THBS3: variants seen among roughly 807,000 people sequenced by gnomAD.
THBS3 encodes the protein thrombospondin-3.
Under a neutral mutation model 118.3 loss-of-function variants are expected in THBS3, and 78 were observed. That is an observed-to-expected ratio of 0.66 (90% CI 0.55 to 0.80). The LOEUF is 0.80. THBS3 is among the 30% of genes least tolerant of loss of function. The pLI is 0.00. For synonymous variants in THBS3, 427 were observed against 475.3 expected (o/e 0.90, Z 1.32); for missense variants, 1,057 against 1,247.4 (o/e 0.85, Z 2.30).
In THBS3 at chr1:155,200,777, G is replaced by C. The variant is rs552058940; in HGVS notation, c.1548+120C>G. 377 of 1,585,380 alleles carry C rather than the reference G, an allele frequency of 2.4e-4. 1 individual carries two copies. The highest frequency in any genetic ancestry group is 2.9e-4 in the Admixed American group (17 of 57,994). On this transcript the variant is annotated intron_variant, in intron 13 of 22. Transcript: ENST00000368378. ...TCCTTGTCCTGGGCACGAGGTTTTT[G>C]CCTCCCTGATTTGGAGTATTTGGCC... is the stretch of plus-strand genomic sequence containing the variant.
chr1:155,203,117 G>GA lies in THBS3; in HGVS notation c.776dup (p.Arg260ProfsTer14). The GA allele has an allele frequency of 6.2e-7, 1 of 1,614,182 alleles. No individual in the cohort carries two copies. On this transcript the variant is annotated frameshift_variant, in exon 7 of 23. Coordinates refer to ENST00000368378, the MANE Select transcript of THBS3 (RefSeq NM_007112.5). LOFTEE classifies it high-confidence loss of function. ...CCTGACACTCCATAATGGTGTTTCG[G>GA]ATCAGGGACATTTCCTTCACCTGGA...
chr1:155,203,785 A>G (rs1571913010), intron 4 of THBS3, among the ~76,000 whole-genome samples: 1 of 152,036 alleles, frequency 6.6e-6, no homozygotes, highest in East Asian at 1.9e-4. Flanking sequence ...GTTCCTAGGC[A>G]TGGTAGTGGC....
chr1:155,201,933 A>G, intron 10 of THBS3, 24 bp downstream of exon 10: 1 of 1,613,734 alleles, frequency 6.2e-7, no homozygotes, highest in Non-Finnish European at 8.5e-7. Context: ...CCACCCCAGA[A>G]TACACTCAGG....
At chr1:155,196,442 C>G in intron 21 of THBS3, 1 of 391,480 alleles carries the variant, frequency 2.6e-6, no homozygotes, top group Non-Finnish European at 4.6e-6. Context: ...CTCTAGTCCA[C>G]CCCCTTTTAT....
chr1:155,209,068 C>G (rs964660155), upstream of THBS3: 4 of 1,538,598 alleles, frequency 2.6e-6, no homozygotes, highest in Non-Finnish European at 3.5e-6. Context: ...CGCCCTCCCC[C>G]GAGGCCCGCG....
At chr1:155,198,927 C>G (rs1669162604) in intron 16 of THBS3, among the ~76,000 whole-genome samples, 1 of 152,092 alleles carries the variant, frequency 6.6e-6, no homozygotes, top group South Asian at 2.1e-4. Context: ...CGAGACCAGC[C>G]TGGCCAACAC....
In THBS3 at chr1:155,206,145, A is replaced by G; in HGVS notation, c.286+55T>C. ...AGGAAGCACTTGGGAAGTAGGGATG[A>G]GGGAGAGTGCTTAAGGAGGTCACCA... is the stretch of plus-strand genomic sequence containing the variant. On this transcript the variant is annotated intron_variant, in intron 2 of 22. Coordinates refer to ENST00000368378, the MANE Select transcript of THBS3 (RefSeq NM_007112.5). This position sits in a 1 kb window ranked among gnomAD's most constrained non-coding sequence, Gnocchi z 4.2. 2 of 1,586,244 alleles carry G rather than the reference A, an allele frequency of 1.3e-6. No homozygotes were observed. Among genetic ancestry groups the G allele is most frequent in the South Asian group, 2.2e-5 (2 of 90,058 alleles).
chr1:155,202,785 A>T lies in THBS3; in HGVS notation c.957+27T>A. On this transcript the variant is annotated intron_variant, in intron 8 of 22. Transcript: ENST00000368378. This position sits in a 1 kb window ranked among gnomAD's most constrained non-coding sequence, Gnocchi z 5.5. ...TGACATCCTCACCCCAGTTTTCTGT[A>T]CCCTTCTGGGCTCTGACCTCCCTCA... The T allele has an allele frequency of 2.5e-6, 4 of 1,590,350 alleles. No individual in the cohort carries two copies. The highest frequency in any genetic ancestry group is 3.4e-6 in the Non-Finnish European group (4 of 1,167,262).
In THBS3 at chr1:155,201,287, TCCCCACCAAACAGTTCCTGGGCCCAG is replaced by T. The variant is rs929786959; in HGVS notation, c.1329+104_1330-84del. ...ATTTTCCCTGCTTCAGGTCCTATTCTCCCCACCAAACAGTTCCTGGGCCCAGGCCCACCTCTCTCCTATGAAGACCC... is the reference window on the plus strand; with the variant it reads ...ATTTTCCCTGCTTCAGGTCCTATTCTGCCCACCTCTCTCCTATGAAGACCC... On this transcript the variant is annotated intron_variant, in intron 11 of 22. Coordinates refer to ENST00000368378, the MANE Select transcript of THBS3 (RefSeq NM_007112.5). 10 of 1,592,808 alleles carry T rather than the reference TCCCCACCAAACAGTTCCTGGGCCCAG, an allele frequency of 6.3e-6. No individual in the cohort carries two copies. The African/African-American group carries it at 1.2e-4, about 19-fold the overall frequency.
rs1670790664 is a variant in THBS3, at chr1:155,207,894, C to G, written c.-18G>C. 3 of 1,613,190 alleles carry G rather than the reference C, an allele frequency of 1.9e-6. No individual in the cohort carries two copies. The highest frequency in any genetic ancestry group is 2.5e-6 in the Non-Finnish European group (3 of 1,179,768). On this transcript the variant is annotated 5_prime_UTR_variant, in exon 1 of 23. Transcript: ENST00000368378. Reference sequence around the variant, plus strand: ...GTCTCCATGCCTCTCAGCCGGCTCACTACCCCTGGCAGGCAGGCAGCTGGG... The same window carrying G: ...GTCTCCATGCCTCTCAGCCGGCTCAGTACCCCTGGCAGGCAGGCAGCTGGG...
At chr1:155,199,139 G>A (rs7366775) in intron 16 of THBS3, among the ~76,000 whole-genome samples, 60,266 of 149,542 alleles carry the variant, frequency 0.4, 13,101 homozygotes, top group East Asian at 0.75. Flanking sequence ...GGCCGGGCAC[G>A]GTGGCTCACG....
chr1:155,202,805 C>A lies in THBS3; in HGVS notation c.957+7G>T. On this transcript the variant is annotated splice_region_variant and intron_variant, in intron 8 of 22. Transcript: ENST00000368378. This position sits in a 1 kb window ranked among gnomAD's most constrained non-coding sequence, Gnocchi z 5.5. ...TCTGTACCCTTCTGGGCTCTGACCT[C>A]CCTCACCTCATTGATGTCACTGCAG... The A allele has an allele frequency of 6.2e-7, 1 of 1,609,194 alleles. No individual in the cohort carries two copies. Among genetic ancestry groups the A allele is most frequent in the Non-Finnish European group, 8.5e-7 (1 of 1,177,490 alleles).
chr1:155,207,913 A>C, upstream of THBS3: 6 of 1,587,708 alleles, frequency 3.8e-6, no homozygotes, highest in South Asian at 3.3e-5. Context: ...GCAGGCAGGC[A>C]GCTGGGAGGG....
chr1:155,207,327 C>T (rs1670699818), intron 1 of THBS3, among the ~76,000 whole-genome samples: 1 of 152,230 alleles, frequency 6.6e-6, no homozygotes, highest in Non-Finnish European at 1.5e-5. Flanking sequence ...CCTGTGTCAT[C>T]TGCTCCAGCT....
Position 155,197,739 on chromosome 1 carries a change from C to T in THBS3, c.2303-80G>A. The T allele has an allele frequency of 6.3e-7, 1 of 1,593,468 alleles. No individual in the cohort carries two copies. Among genetic ancestry groups the T allele is most frequent in the South Asian group, 1.1e-5 (1 of 90,154 alleles). On this transcript the variant is annotated intron_variant, in intron 19 of 22. Coordinates refer to ENST00000368378, the MANE Select transcript of THBS3 (RefSeq NM_007112.5). The surrounding 1 kb of genome is among the most constrained non-coding windows in gnomAD (Gnocchi z 5.0). ...ATGGGGTAAAGTTGGGAAGGGATGCCTGCTATGTATGTGGCCAGCTTGTGC... is the reference window on the plus strand; with the variant it reads ...ATGGGGTAAAGTTGGGAAGGGATGCTTGCTATGTATGTGGCCAGCTTGTGC...
In THBS3 at chr1:155,195,651, A is replaced by C; in HGVS notation, c.*190T>G. ...TCTTTCCTGGGGTTAGTGCCTGAGT[A>C]ATACCCCTTGAAAACTTCTCATCCC... On this transcript the variant is annotated 3_prime_UTR_variant, in exon 23 of 23. Coordinates refer to ENST00000368378, the MANE Select transcript of THBS3 (RefSeq NM_007112.5). 1.6e-6 allele frequency: 1 copy of C among 609,364 alleles called. No individual in the cohort carries two copies. Among genetic ancestry groups the C allele is most frequent in the South Asian group, 1.9e-5 (1 of 52,952 alleles). 37.7% of individuals were successfully genotyped at this position (609,364 alleles called of 1,614,324 possible).
At chr1:155,201,311 C>G in intron 11 of THBS3, 106 bp downstream of exon 11, 1 of 1,577,234 alleles carries the variant, frequency 6.3e-7, no homozygotes, top group Non-Finnish European at 8.6e-7. Flanking sequence ...TTCCTGGGCC[C>G]AGGCCCACCT....
chr1:155,205,087 A>G lies in THBS3; in HGVS notation c.516T>C (p.Thr172=), dbSNP rs746180134. 3.7e-6 allele frequency: 6 copies of G among 1,613,978 alleles called. No homozygotes were observed. The highest frequency in any genetic ancestry group is 1.7e-5 in the Admixed American group (1 of 59,992). The change falls in exon 3 of 23, where the codon ACT becomes ACC. Residue 172 remains threonine, a synonymous_variant. Coordinates refer to ENST00000368378, the MANE Select transcript of THBS3 (RefSeq NM_007112.5). ...PAEVDGLEIR[T]GQKAYLRMQG... ...GCATCCTCAAATACGCCTTCTGTCC[A>G]GTCCTAATCTCCAGCCCATCGACCT...
In THBS3 at chr1:155,206,218, CA is replaced by C. The variant is rs1353344472; in HGVS notation, c.267del (p.Val90Ter). ...QDNTRWLEAS[V>X]VGKINKVLVR... ...CAGTCACCTTTGTTGATCTTGCCTA[CA>C]ACAGAGGCCTCCAGCCATCGAGTGT... On this transcript the variant is annotated frameshift_variant, in exon 2 of 23. Coordinates refer to ENST00000368378, the MANE Select transcript of THBS3 (RefSeq NM_007112.5). LOFTEE classifies it high-confidence loss of function. This position sits in a 1 kb window ranked among gnomAD's most constrained non-coding sequence, Gnocchi z 4.2. 6.2e-7 allele frequency: 1 copy of C among 1,614,090 alleles called. No homozygotes were observed. The highest frequency in any genetic ancestry group is 8.5e-7 in the Non-Finnish European group (1 of 1,180,030).
Sources: allele counts gnomAD v4.1 joint callset (sites outside exome capture counted in the v4.1 genomes callset), GRCh38; gene constraint gnomAD v4.1.1; non-coding constraint Gnocchi (gnomAD v3.1); transcripts MANE v1.5; gene names NCBI Gene and HGNC (gene_info 2026-07-23, HGNC 2026-07-21).